Variants in PBLD observed in about 807,000 individuals in gnomAD.
The protein encoded by PBLD is phenazine biosynthesis like protein domain containing.
In PBLD, 26 loss-of-function variants were observed where a neutral mutation model predicts 31.3. The ratio of observed to expected loss-of-function variants is 0.83; its 90% CI spans 0.61 to 1.15. The LOEUF is 1.15. Ranked by LOEUF, PBLD falls within the 50% of genes most tolerant of loss-of-function variation. The pLI, the probability that PBLD is intolerant of heterozygous loss-of-function variation, is 0.00. For missense variants in PBLD, 307 were observed against 351.7 expected, an observed-to-expected ratio of 0.87 and a Z score of 1.02; for synonymous variants, 114 against 129.0, an observed-to-expected ratio of 0.88 and a Z score of 0.79.
In PBLD at chr10:68,310,428, C is replaced by T. The variant is rs1039193697; in HGVS notation, c.-59-3525G>A. Among the ~76,000 whole-genome samples, 40 of 147,998 alleles carry T rather than the reference C, an allele frequency of 2.7e-4. 2 individuals carry two copies. Among genetic ancestry groups the T allele is most frequent in the African/African-American group, 8.7e-4 (35 of 40,192 alleles). ...AAATCTAGCTAATTAACAAATGCAT[C>T]ACCTCACATAATCATTATTTTTATG... On this transcript the variant is annotated intron_variant, in intron 1 of 9. Coordinates refer to ENST00000358769, the MANE Select transcript of PBLD (RefSeq NM_022129.4).
chr10:68,307,421 A>T (rs1164473087), intron 1 of PBLD, among the ~76,000 whole-genome samples: 2 of 152,156 alleles, frequency 1.3e-5, no homozygotes, highest in Non-Finnish European at 2.9e-5. Context: ...GACTTTTCAT[A>T]TTATACATAG....
chr10:68,296,478 T>C (rs1223722290), intron 3 of PBLD, 114 bp from the exon 4 acceptor site: 3 of 729,872 alleles, frequency 4.1e-6, no homozygotes, highest in Non-Finnish European at 2.3e-6. Flanking sequence ...AGCCAAAACA[T>C]GTTGTAAAAG....
At chr10:68,304,929 T>C (rs905212302) in intron 2 of PBLD, among the ~76,000 whole-genome samples, 3 of 152,226 alleles carry the variant, frequency 2.0e-5, no homozygotes, top group Non-Finnish European at 2.9e-5. Context: ...ACAAAGTTTA[T>C]TACCTTCTGC....
chr10:68,318,375 T>TAAAAA (rs34722771), intron 1 of PBLD, among the ~76,000 whole-genome samples: 9 of 51,266 alleles, frequency 1.8e-4, no homozygotes, highest in Non-Finnish European at 2.3e-4. Context: ...CTGCCTCTAT[T>TAAAAA]AAAAAAAAAA....
At chr10:68,323,535 G>C (rs990466422) in intron 1 of PBLD, among the ~76,000 whole-genome samples, 1 of 152,174 alleles carries the variant, frequency 6.6e-6, no homozygotes, top group Admixed American at 6.6e-5. Context: ...ACTCCAGCCT[G>C]AGGGACAGAG....
rs146122243 is a variant in PBLD at position 68,315,861 on chromosome 10, C to T, written c.-59-8958G>A. Among the ~76,000 whole-genome samples the T allele has an allele frequency of 8.5e-5, 13 of 152,220 alleles. No homozygotes were observed. The East Asian group carries it at 1.2e-3, about 14-fold the overall frequency. On this transcript the variant is annotated intron_variant, in intron 1 of 9. Coordinates refer to ENST00000358769, the MANE Select transcript of PBLD (RefSeq NM_022129.4). ...CTGAGAGACATATTGACTCCAGGAACGTAAGAAAATCTCTGTCTAATAATT... is the reference window on the plus strand; with the variant it reads ...CTGAGAGACATATTGACTCCAGGAATGTAAGAAAATCTCTGTCTAATAATT...
At chr10:68,287,325 A>AAACC (rs2044301535) in intron 8 of PBLD, 1 of 152,092 alleles carries the variant, frequency 6.6e-6, no homozygotes, top group South Asian at 2.1e-4. Context: ...ACAAACAAAC[A>AAACC]AACTTGCACT....
intron 1 of PBLD, among the ~76,000 whole-genome samples, chr10:68,321,416 AAG>A (rs1277092461): frequency 3.9e-5 from 6 of 152,202 alleles, no homozygotes; most frequent in African/African-American, 1.4e-4. Flanking sequence ...CATTCTCCTC[AAG>A]AGCACATGAA....
intron 1 of PBLD, among the ~76,000 whole-genome samples, chr10:68,307,992 T>C (rs969527415): frequency 2.1e-4 from 32 of 152,314 alleles, no homozygotes; most frequent in African/African-American, 7.5e-4. Flanking sequence ...ATTAATGTTC[T>C]GGATGTACAG....
At position 68,306,192 on chromosome 10, in the gene PBLD, ATT is replaced by A. The variant is rs1452927220; in HGVS notation, c.84+567_84+568del. The stretch of plus-strand genomic sequence containing the variant: ...TTAACTATTCCATTAATATTTAACT[ATT>A]CCATTAATATGTATCCTAATCAAAA... On this transcript the variant is annotated intron_variant, in intron 2 of 9. Transcript: ENST00000358769. 2.0e-5 allele frequency among the ~76,000 whole-genome samples: 3 copies of A among 151,976 alleles called. No individual in the cohort carries two copies. The East Asian group carries it at 5.8e-4, about 29-fold the overall frequency.
chr10:68,302,869 A>G (rs1478924697), intron 2 of PBLD, among the ~76,000 whole-genome samples: 2 of 148,956 alleles, frequency 1.3e-5, no homozygotes, highest in African/African-American at 4.9e-5. Context: ...TTAGAATTTA[A>G]AAAAAAAAAA....
chr10:68,309,800 C>T (rs143929908), intron 1 of PBLD, among the ~76,000 whole-genome samples: 1,339 of 127,880 alleles, frequency 0.01, 66 homozygotes, highest in African/African-American at 0.035. Context: ...AGAGAGACTC[C>T]GTCTCAAAAA....
chr10:68,291,966 A>G, intron 6 of PBLD, 44 bp downstream of exon 6: 1 of 1,525,622 alleles, frequency 6.6e-7, no homozygotes, highest in Non-Finnish European at 9.1e-7. Flanking sequence ...TTGTGTGCAA[A>G]CAATAACAAA....
chr10:68,328,488 G>A (rs570179771), intron 1 of PBLD, among the ~76,000 whole-genome samples: 5 of 151,974 alleles, frequency 3.3e-5, no homozygotes, highest in Admixed American at 2.0e-4. Context: ...TTTTCCTCTG[G>A]GTCACATGGG....
intron 2 of PBLD, among the ~76,000 whole-genome samples, chr10:68,298,921 A>G (rs1026888137): frequency 6.6e-6 from 1 of 152,010 alleles, no homozygotes; most frequent in African/African-American, 2.4e-5. Flanking sequence ...CGTAGCCAAT[A>G]TGGAGAAACT....
In PBLD at chr10:68,292,093, G is replaced by A. The variant is rs2044366526; in HGVS notation, c.393+36C>T. On this transcript the variant is annotated intron_variant, in intron 5 of 9. Coordinates refer to ENST00000358769, the MANE Select transcript of PBLD (RefSeq NM_022129.4). ...TTATAAAACAGGAGAGCTGTCGGTT[G>A]TAGATGGCTTAGGGCAATAATTACA... 5 of 1,601,308 alleles carry A rather than the reference G, an allele frequency of 3.1e-6. No individual in the cohort carries two copies. The South Asian group carries it at 4.4e-5, about 14-fold the overall frequency.
In PBLD at chr10:68,285,803, C is replaced by A. The variant is rs570891467; in HGVS notation, c.692-393G>T. 2.0e-4 allele frequency among the ~76,000 whole-genome samples: 30 copies of A among 152,160 alleles called. 1 individual carries two copies. The highest frequency in any genetic ancestry group is 1.8e-3 in the Admixed American group (28 of 15,278). On this transcript the variant is annotated intron_variant, in intron 8 of 9. Coordinates refer to ENST00000358769, the MANE Select transcript of PBLD (RefSeq NM_022129.4). ...AAGCCATCCTCCTACCTCAGCCCCCCGCAAGTAGCTGGAACTACAGGTGCA... is the reference window on the plus strand; with the variant it reads ...AAGCCATCCTCCTACCTCAGCCCCCAGCAAGTAGCTGGAACTACAGGTGCA...
intron 8 of PBLD, among the ~76,000 whole-genome samples, chr10:68,286,290 G>A (rs771243093): frequency 3.3e-5 from 5 of 151,540 alleles, no homozygotes; most frequent in Non-Finnish European, 7.4e-5. Flanking sequence ...GTTTTACTAT[G>A]TTGGCCAGGC....
Position 68,306,899 on chromosome 10 carries a change from G to GTCT in PBLD, c.-58_-56dup. The GTCT allele has an allele frequency of 7.3e-7, 1 of 1,373,578 alleles. No homozygotes were observed. The allele number at this position is 1,373,578 out of a possible 1,614,324, so 85.1% of individuals were successfully genotyped here. ...CAAAATTGCTGGTAGCCTGCTTTAC[G>GTCT]TCTTCTTCTTGGAAAAGGAAATCAA... On this transcript the variant is annotated 5_prime_UTR_variant, in exon 2 of 10. Transcript: ENST00000358769.
Sources: allele counts gnomAD v4.1 joint callset (sites outside exome capture counted in the v4.1 genomes callset), GRCh38; gene constraint gnomAD v4.1.1; transcripts MANE v1.5; gene names NCBI Gene and HGNC (gene_info 2026-07-23, HGNC 2026-07-21).